FAM167A: variants seen among roughly 807,000 people sequenced by gnomAD.
FAM167A encodes protein FAM167A.
Under a neutral mutation model 14.9 loss-of-function variants are expected in FAM167A, and 23 were observed. The observed-to-expected ratio is 1.55, with a 90% CI of 1.11 to 2.19. FAM167A has a LOEUF of 2.19. Among genes scored for constraint, FAM167A ranks in the 30% most tolerant of loss-of-function variants. FAM167A has a pLI of 0.00. For missense variants in FAM167A, 401 were observed against 281.5 expected, an observed-to-expected ratio of 1.42 and a Z score of -3.04; for synonymous variants, 174 against 117.7, an observed-to-expected ratio of 1.48 and a Z score of -3.10.
intron 1 of FAM167A, among the ~76,000 whole-genome samples, chr8:11,464,389 G>T (rs1585283294): frequency 6.6e-6 from 1 of 152,164 alleles, no homozygotes; most frequent in South Asian, 2.1e-4. Context: ...CAGAGCCAGT[G>T]AGGCTCACCT....
intron 1 of FAM167A, among the ~76,000 whole-genome samples, chr8:11,449,481 C>G (rs568026435): frequency 1.3e-5 from 2 of 152,150 alleles, no homozygotes; most frequent in African/African-American, 2.4e-5. Flanking sequence ...GGAGGAAGAG[C>G]CCCCCAACAC....
At chr8:11,433,540 G>A (rs918238307) in intron 2 of FAM167A, among the ~76,000 whole-genome samples, 1 of 152,202 alleles carries the variant, frequency 6.6e-6, no homozygotes, top group East Asian at 1.9e-4. Context: ...AGAGATTTCT[G>A]GATGCATCTT....
chr8:11,442,065 C>T (rs1027441379), intron 2 of FAM167A, among the ~76,000 whole-genome samples: 5 of 152,206 alleles, frequency 3.3e-5, no homozygotes, highest in South Asian at 2.1e-4. Flanking sequence ...ACCCTATGTA[C>T]GACAGCCTTT....
chr8:11,447,955 G>C (rs1474846692), intron 1 of FAM167A, among the ~76,000 whole-genome samples: 1 of 152,176 alleles, frequency 6.6e-6, no homozygotes, highest in Admixed American at 6.5e-5. Context: ...CAGCACTTTG[G>C]GAGGCCGAGG....
chr8:11,443,137 G>T (rs1274159302), intron 2 of FAM167A, among the ~76,000 whole-genome samples: 2 of 152,206 alleles, frequency 1.3e-5, no homozygotes, highest in Non-Finnish European at 2.9e-5. Context: ...GGACGGGGTG[G>T]GGCAGGGGTT....
intron 2 of FAM167A, among the ~76,000 whole-genome samples, chr8:11,439,405 G>A (rs964695693): frequency 2.7e-4 from 41 of 152,358 alleles, no homozygotes; most frequent in Admixed American, 2.0e-4. Context: ...TGACATACCA[G>A]AGTCTTGTGC....
intron 2 of FAM167A, among the ~76,000 whole-genome samples, chr8:11,429,934 G>A (rs952349005): frequency 6.6e-6 from 1 of 152,186 alleles, no homozygotes; most frequent in Non-Finnish European, 1.5e-5. Context: ...GAACTACGCT[G>A]GCCAAATCAA....
intron 1 of FAM167A, among the ~76,000 whole-genome samples, chr8:11,463,558 A>C (rs1807626849): frequency 6.6e-6 from 1 of 152,200 alleles, no homozygotes; most frequent in African/African-American, 2.4e-5. Context: ...CCAGTGCACA[A>C]GTCACTGCCT....
At chr8:11,475,196 G>A (rs1244798008) in intron 1 of FAM167A, among the ~76,000 whole-genome samples, 1 of 152,178 alleles carries the variant, frequency 6.6e-6, no homozygotes, top group African/African-American at 2.4e-5. Context: ...CTTAGGACAG[G>A]TTCCTCGGCT....
Position 11,424,566 on chromosome 8 carries a change from A to G in FAM167A, c.452T>C (p.Leu151Pro), listed in dbSNP as rs1805000685. Residue 151 changes from leucine (L) to proline (P), a missense_variant, in exon 3 of 3, where the codon CTG becomes CCG. Coordinates refer to ENST00000284486, the MANE Select transcript of FAM167A (RefSeq NM_053279.3). ...GAGGCGGCAGGTGTGTTCGATTTTC[A>G]GCTTGTTGATGTCGCCACGCAGGCG... ...LMRLRGDINK[L>P]KIEHTCRLHR... 1.2e-6 allele frequency: 2 copies of G among 1,614,024 alleles called. No homozygotes were observed. The highest frequency in any genetic ancestry group is 4.5e-5 in the East Asian group (2 of 44,872).
upstream of FAM167A, chr8:11,467,631 G>T (rs1807825467): frequency 6.6e-6 from 1 of 152,360 alleles, no homozygotes; most frequent in Non-Finnish European, 1.5e-5. Context: ...CCGCCTACAT[G>T]GCCAGACGCG....
chr8:11,466,303 G>A (rs1807763092), intron 1 of FAM167A, among the ~76,000 whole-genome samples: 1 of 152,222 alleles, frequency 6.6e-6, no homozygotes, highest in Non-Finnish European at 1.5e-5. Flanking sequence ...GGCTGAGTGC[G>A]GCCCTCCCTC....
chr8:11,459,372 G>T (rs1040563722), intron 1 of FAM167A, among the ~76,000 whole-genome samples: 3 of 152,224 alleles, frequency 2.0e-5, no homozygotes, highest in African/African-American at 7.2e-5. Context: ...GAAGTAACAG[G>T]CATGTGAGCT....
At chr8:11,437,468 G>T (rs1227616750) in intron 2 of FAM167A, among the ~76,000 whole-genome samples, 1 of 152,160 alleles carries the variant, frequency 6.6e-6, no homozygotes, top group Non-Finnish European at 1.5e-5. Context: ...ACAAAACCAA[G>T]AAGTCTTGGT....
rs749519377 is a variant in FAM167A, at chr8:11,424,498, G to C, written c.520C>G (p.Arg174Gly). The part of the protein sequence containing the change: ...LNDATYELEE[R>G]DELADLFCDS... ...CAGAAGAGGTCGGCCAGCTCATCCC[G>C]CTCCTCCAGCTCGTAGGTGGCATCG... The change falls in exon 3 of 3, where the codon CGG becomes GGG. Residue 174 changes from arginine to glycine, a missense_variant. Transcript: ENST00000284486. 1 of 1,614,076 alleles carries C rather than the reference G, an allele frequency of 6.2e-7. No homozygotes were observed. The highest frequency in any genetic ancestry group is 2.2e-5 in the East Asian group (1 of 44,880).
chr8:11,450,332 C>T (rs545548089), intron 1 of FAM167A, among the ~76,000 whole-genome samples: 18 of 152,344 alleles, frequency 1.2e-4, no homozygotes, highest in African/African-American at 3.8e-4. Context: ...GCACACCACA[C>T]GAGCTGTGGT....
Position 11,421,529 on chromosome 8 carries a change from A to C in FAM167A, c.*2844T>G. ...GAAGTATTTTTATTTCACTTTTTCT[A>C]ACAGCAATATAGAAACAAATAATCA... On this transcript the variant is annotated 3_prime_UTR_variant, in exon 3 of 3. Transcript: ENST00000284486. 1 of 392,014 alleles carries C rather than the reference A, an allele frequency of 2.6e-6. No individual in the cohort carries two copies. Among genetic ancestry groups the C allele is most frequent in the Non-Finnish European group, 4.5e-6 (1 of 222,262 alleles). 24.3% of individuals were successfully genotyped at this position (392,014 alleles called of 1,614,324 possible).
rs866894962 is a variant in FAM167A at position 11,421,965 on chromosome 8, C to T, written c.*2408G>A. The stretch of plus-strand genomic sequence containing the variant: ...AGTAAGGAAGCCAGTCAACACTGGA[C>T]GATGTTTAGAAAACATCGCTGTCCC... On this transcript the variant is annotated 3_prime_UTR_variant, in exon 3 of 3. Transcript: ENST00000284486. The T allele has an allele frequency of 2.3e-5, 9 of 397,130 alleles. No individual in the cohort carries two copies. The highest frequency in any genetic ancestry group is 1.4e-4 in the South Asian group (1 of 7,148). The allele number at this position is 397,130 out of a possible 1,614,324, so 24.6% of individuals were successfully genotyped here.
chr8:11,463,520 C>A (rs1360141481), intron 1 of FAM167A, among the ~76,000 whole-genome samples: 2 of 152,212 alleles, frequency 1.3e-5, no homozygotes, highest in Non-Finnish European at 2.9e-5. Context: ...AAACACTGCC[C>A]AGCCTTCGAG....
Sources: allele counts gnomAD v4.1 joint callset (sites outside exome capture counted in the v4.1 genomes callset), GRCh38; gene constraint gnomAD v4.1.1; transcripts MANE v1.5; gene names NCBI Gene and HGNC (gene_info 2026-07-23, HGNC 2026-07-21).